GPR176: variants seen among roughly 807,000 people sequenced by gnomAD.
The protein encoded by GPR176 is G protein-coupled receptor 176, also known as G-protein coupled receptor 176.
In GPR176, 26 loss-of-function variants were observed where a neutral mutation model predicts 35.4. The ratio of observed to expected loss-of-function variants is 0.74; its 90% CI spans 0.54 to 1.02. The LOEUF (loss-of-function observed/expected upper bound fraction) is 1.02. Among genes scored for constraint, GPR176 ranks in the 50% least tolerant of loss-of-function variants. The pLI is 0.00. For synonymous variants in GPR176, 278 were observed against 271.3 expected (o/e 1.02, Z -0.24); for missense variants, 597 against 665.3 (o/e 0.90, Z 1.13).
chr15:39,885,304 A>G (rs189503987), intron 1 of GPR176, among the ~76,000 whole-genome samples: 1 of 152,348 alleles, frequency 6.6e-6, no homozygotes, highest in African/African-American at 2.4e-5. Flanking sequence ...TTTCCTGCCA[A>G]TTCCACATAA....
intron 1 of GPR176, among the ~76,000 whole-genome samples, chr15:39,893,940 C>T (rs2032983680): frequency 1.6e-5 from 2 of 126,814 alleles, no homozygotes; most frequent in African/African-American, 3.1e-5. Context: ...CCGGACGGGG[C>T]GGCTGGCCGG....
At chr15:39,843,156 A>C (rs1486472939) in intron 1 of GPR176, among the ~76,000 whole-genome samples, 3 of 151,994 alleles carry the variant, frequency 2.0e-5, no homozygotes, top group Admixed American at 2.0e-4. Context: ...CTGCTGGTTG[A>C]AGCAGAAGAG....
chr15:39,838,581 C>G (rs1901550877), intron 1 of GPR176, among the ~76,000 whole-genome samples: 1 of 152,004 alleles, frequency 6.6e-6, no homozygotes, highest in South Asian at 2.1e-4. Context: ...AAGACAAAAA[C>G]CACATGATTA....
chr15:39,873,812 T>TC (rs1432064986), intron 1 of GPR176, among the ~76,000 whole-genome samples: 2 of 151,972 alleles, frequency 1.3e-5, no homozygotes, highest in African/African-American at 4.8e-5. Context: ...TCTATTCTTG[T>TC]CCCCCTTTTG....
At chr15:39,814,821 G>A (rs977086814) in intron 1 of GPR176, 4 of 152,208 alleles carry the variant, frequency 2.6e-5, no homozygotes, top group Admixed American at 6.5e-5. Context: ...CTAGGGAGAT[G>A]CAGAATATTT....
chr15:39,880,626 C>G (rs903115924), intron 1 of GPR176, among the ~76,000 whole-genome samples: 1 of 152,104 alleles, frequency 6.6e-6, no homozygotes, highest in Non-Finnish European at 1.5e-5. Flanking sequence ...TTTTACCCCA[C>G]CTGCTTCTCC....
intron 1 of GPR176, among the ~76,000 whole-genome samples, chr15:39,912,547 G>A (rs1368086616): frequency 6.6e-6 from 1 of 151,720 alleles, no homozygotes; most frequent in East Asian, 1.9e-4. Context: ...GAGCCTGAGA[G>A]GTTGAGGCTG....
chr15:39,819,611 G>A (rs1308168208), intron 1 of GPR176, among the ~76,000 whole-genome samples: 1 of 152,180 alleles, frequency 6.6e-6, no homozygotes, highest in Non-Finnish European at 1.5e-5. Flanking sequence ...AACACACAGT[G>A]TCAGAGCTGC....
At chr15:39,887,843 T>C (rs1218971728) in intron 1 of GPR176, among the ~76,000 whole-genome samples, 1 of 152,182 alleles carries the variant, frequency 6.6e-6, no homozygotes, top group Non-Finnish European at 1.5e-5. Flanking sequence ...ATATGCCACT[T>C]TGGCATAAGG....
intron 1 of GPR176, among the ~76,000 whole-genome samples, chr15:39,829,905 A>G (rs1325674576): frequency 6.6e-6 from 1 of 152,112 alleles, no homozygotes; most frequent in Non-Finnish European, 1.5e-5. Flanking sequence ...AGTATATTTT[A>G]TCTTCTCTGT....
At chr15:39,870,551 C>A (rs547457038) in intron 1 of GPR176, among the ~76,000 whole-genome samples, 1 of 152,254 alleles carries the variant, frequency 6.6e-6, no homozygotes, top group Non-Finnish European at 1.5e-5. Context: ...TGTCATAACA[C>A]CAAAACCAGA....
chr15:39,803,272 T>TTC (rs2140774884), intron 2 of GPR176, among the ~76,000 whole-genome samples: 1 of 55,124 alleles, frequency 1.8e-5, no homozygotes, highest in Non-Finnish European at 5.5e-5. Flanking sequence ...CAAGTACTTC[T>TTC]TTTTTTTTTT....
intron 1 of GPR176, among the ~76,000 whole-genome samples, chr15:39,826,688 C>T (rs1418629373): frequency 6.6e-6 from 1 of 152,188 alleles, no homozygotes; most frequent in Non-Finnish European, 1.5e-5. Flanking sequence ...TCATACAGCA[C>T]ACATCAGCTC....
intron 1 of GPR176, among the ~76,000 whole-genome samples, chr15:39,828,722 A>G (rs892189485): frequency 3.9e-5 from 6 of 152,350 alleles, no homozygotes; most frequent in Non-Finnish European, 7.4e-5. Flanking sequence ...AAGAGAATCA[A>G]TAAGAGTTTC....
intron 1 of GPR176, among the ~76,000 whole-genome samples, chr15:39,811,776 C>T (rs1376517346): frequency 2.6e-5 from 4 of 152,054 alleles, no homozygotes; most frequent in Admixed American, 1.3e-4. Flanking sequence ...ATTAGCCGGG[C>T]GTAGTAGTGG....
intron 1 of GPR176, among the ~76,000 whole-genome samples, chr15:39,810,434 G>A (rs757993292): frequency 1.3e-5 from 2 of 152,132 alleles, no homozygotes; most frequent in Non-Finnish European, 2.9e-5. Context: ...TTTAGCTTTG[G>A]TTGTCCTTTT....
chr15:39,829,353 G>A, intron 1 of GPR176: 2 of 1,325,176 alleles, frequency 1.5e-6, no homozygotes, highest in East Asian at 3.2e-5. Flanking sequence ...GGGGCAATGT[G>A]TGCGCAGGAC....
intron 1 of GPR176, among the ~76,000 whole-genome samples, chr15:39,818,516 T>A (rs1900063151): frequency 6.6e-6 from 1 of 152,222 alleles, no homozygotes; most frequent in South Asian, 2.1e-4. Context: ...ACTTCTGTAA[T>A]ATATAAGAAT....
rs773339133 is a variant in GPR176, at chr15:39,801,719, G to A, written c.961C>T (p.Leu321Phe). The A allele has an allele frequency of 1.2e-6, 2 of 1,613,332 alleles. No homozygotes were observed. The highest frequency in any genetic ancestry group is 1.7e-6 in the Non-Finnish European group (2 of 1,179,362). ...TTGCGGACAGATTTGTTCACAGTAA[G>A]AAAGAGAACAGGGTTTGCCAGCAGG... ...VSLLANPVLF[L>F]TVNKSVRKCL... The change falls in exon 3 of 3, where the codon CTT becomes TTT. Residue 321 changes from leucine to phenylalanine, a missense_variant. This residue lies in a region of GPR176 where 251 missense variants were observed against 255.4 expected (regional missense o/e 0.98). Coordinates refer to ENST00000561100, the MANE Select transcript of GPR176 (RefSeq NM_007223.3).
Sources: allele counts gnomAD v4.1 joint callset (sites outside exome capture counted in the v4.1 genomes callset), GRCh38; gene constraint gnomAD v4.1.1; regional missense constraint gnomAD v4.1.1; transcripts MANE v1.5; gene names NCBI Gene and HGNC (gene_info 2026-07-23, HGNC 2026-07-21).